Variants in GPT2 observed in about 807,000 individuals in gnomAD.
The protein encoded by GPT2 is glutamic--pyruvic transaminase 2.
Under a neutral mutation model 56.9 loss-of-function variants are expected in GPT2, and 30 were observed. The ratio of observed to expected loss-of-function variants is 0.53; its 90% confidence interval spans 0.39 to 0.72. The LOEUF is 0.72. GPT2 is among the 30% of genes least tolerant of loss of function. The probability of loss-of-function intolerance (pLI) is 0.00; values close to 1 mark genes in which losing one functional copy is unlikely to be tolerated. For missense variants in GPT2, 542 were observed against 703.4 expected (o/e 0.77, Z 2.60); for synonymous variants, 271 against 283.1 (o/e 0.96, Z 0.43).
intron 9 of GPT2, 39 bp downstream of exon 9, chr16:46,922,455 G>A: frequency 6.5e-7 from 1 of 1,547,358 alleles, no homozygotes; most frequent in Non-Finnish European, 8.7e-7. Flanking sequence ...CTGTGGCCGG[G>A]GTCACGAGAG....
rs761071681 is a variant in GPT2, at chr16:46,918,612, C to T, written c.901-9C>T. On this transcript the variant is annotated splice_polypyrimidine_tract_variant and intron_variant, in intron 7 of 11. Coordinates refer to ENST00000340124, the MANE Select transcript of GPT2 (RefSeq NM_133443.4). ...CCCTTTGGTGACCGTCCCTGCCGTG[C>T]CCCCGCAGGTGTACCAGGACAACGT... 60 of 1,613,498 alleles carry T rather than the reference C, an allele frequency of 3.7e-5. No homozygotes were observed. Among genetic ancestry groups the T allele is most frequent in the Non-Finnish European group, 4.7e-5 (56 of 1,179,682 alleles).
intron 4 of GPT2, 143 bp downstream of exon 4, chr16:46,900,933 T>C (rs2143418849): frequency 1.6e-6 from 1 of 623,268 alleles, no homozygotes; most frequent in East Asian, 2.9e-5. Flanking sequence ...AAACAAAAAA[T>C]AGCGTCCTCT....
chr16:46,910,017 G>T, intron 6 of GPT2, 90 bp downstream of exon 6: 1 of 1,450,704 alleles, frequency 6.9e-7, no homozygotes, highest in Non-Finnish European at 9.3e-7. Context: ...TAATTGGAGG[G>T]TCTCTCTGCC....
At chr16:46,913,350 A>T (rs750861798) in intron 6 of GPT2, among the ~76,000 whole-genome samples, 2 of 152,202 alleles carry the variant, frequency 1.3e-5, no homozygotes, top group Non-Finnish European at 2.9e-5. Context: ...AACAGGATAA[A>T]GTTTGTGGCA....
chr16:46,927,361 C>G (rs565064382), intron 11 of GPT2, among the ~76,000 whole-genome samples: 30 of 152,354 alleles, frequency 2.0e-4, no homozygotes, highest in African/African-American at 7.2e-4. Flanking sequence ...GTTTTCAACT[C>G]TGCGATGGCA....
intron 10 of GPT2, among the ~76,000 whole-genome samples, 199 bp from the exon 11 acceptor site, chr16:46,926,726 G>A (rs1961422151): frequency 6.6e-6 from 1 of 152,254 alleles, no homozygotes; most frequent in African/African-American, 2.4e-5. Flanking sequence ...TGGCTGTCCT[G>A]CAGTAGTTTT....
chr16:46,894,331 T>C (rs1305598628), intron 2 of GPT2, among the ~76,000 whole-genome samples: 1 of 152,210 alleles, frequency 6.6e-6, no homozygotes, highest in Non-Finnish European at 1.5e-5. Flanking sequence ...GTGACAGATT[T>C]ACTCCCTGTG....
At chr16:46,922,445 CTG>C in intron 9 of GPT2, 29 bp downstream of exon 9, 1 of 1,570,896 alleles carries the variant, frequency 6.4e-7, no homozygotes, top group Non-Finnish European at 8.6e-7. Flanking sequence ...GTCTGCACCC[CTG>C]TGGCCGGGGT....
intron 6 of GPT2, among the ~76,000 whole-genome samples, chr16:46,911,432 C>G (rs954695144): frequency 6.6e-6 from 1 of 152,176 alleles, no homozygotes; most frequent in African/African-American, 2.4e-5. Flanking sequence ...TTCCCGAGTG[C>G]AGAAAATGGG....
At chr16:46,902,751 G>A in intron 4 of GPT2, among the ~76,000 whole-genome samples, 1 of 152,016 alleles carries the variant, frequency 6.6e-6, no homozygotes, top group South Asian at 2.1e-4. Flanking sequence ...TCAGCCTCCT[G>A]AGTAGCTGGT....
chr16:46,927,513 C>T (rs1048451168), intron 11 of GPT2, among the ~76,000 whole-genome samples: 2 of 152,224 alleles, frequency 1.3e-5, no homozygotes, highest in Admixed American at 1.3e-4. Context: ...CCAGGGCATA[C>T]CCCGTTCTGG....
At chr16:46,916,781 T>A in intron 7 of GPT2, 74 bp downstream of exon 7, 1 of 1,019,488 alleles carries the variant, frequency 9.8e-7, no homozygotes, top group Non-Finnish European at 1.6e-6. Context: ...CCCCCATTGT[T>A]CTGCAGCCAG....
In GPT2 at chr16:46,929,361, G is replaced by C. The variant is rs1310153491; in HGVS notation, c.*364G>C. The C allele has an allele frequency of 5.6e-5, 14 of 249,794 alleles. No homozygotes were observed. In the East Asian group the frequency reaches 1.2e-3, roughly 21 times the overall value. 15.5% of individuals were successfully genotyped at this position (249,794 alleles called of 1,614,324 possible). ...AATGAGCAGGTGTCGGGAAATGTGTGACTTAACCGTGGTGAGGGCTGGAAA... is the reference window on the plus strand; with the variant it reads ...AATGAGCAGGTGTCGGGAAATGTGTCACTTAACCGTGGTGAGGGCTGGAAA... On this transcript the variant is annotated 3_prime_UTR_variant, in exon 12 of 12. Coordinates refer to ENST00000340124, the MANE Select transcript of GPT2 (RefSeq NM_133443.4).
chr16:46,910,868 T>C (rs1452897846), intron 6 of GPT2, among the ~76,000 whole-genome samples: 1 of 152,224 alleles, frequency 6.6e-6, no homozygotes, highest in East Asian at 1.9e-4. Flanking sequence ...ATTATAGGCA[T>C]GAGCCACTGC....
intron 5 of GPT2, among the ~76,000 whole-genome samples, chr16:46,907,464 G>C (rs184029038): frequency 2.6e-5 from 4 of 152,180 alleles, no homozygotes; most frequent in Non-Finnish European, 5.9e-5. Flanking sequence ...CTGGTGGAGC[G>C]GGGGCAGGAA....
chr16:46,899,015 ATAT>A (rs1301567549), intron 3 of GPT2, among the ~76,000 whole-genome samples: 1 of 2,824 alleles, frequency 3.5e-4, no homozygotes, highest in African/African-American at 6.8e-4. Context: ...ATATATATAT[ATAT>A]ATATATATAT....
intron 11 of GPT2, among the ~76,000 whole-genome samples, chr16:46,928,341 A>G (rs527250614): frequency 1.3e-5 from 2 of 151,716 alleles, no homozygotes; most frequent in East Asian, 1.9e-4. Context: ...AAAAAAAAAT[A>G]TGGCCAGGTG....
At chr16:46,918,172 G>T (rs377076019) in intron 7 of GPT2, among the ~76,000 whole-genome samples, 1 of 152,204 alleles carries the variant, frequency 6.6e-6, no homozygotes, top group African/African-American at 2.4e-5. Context: ...CCACTCGAGT[G>T]GGGGGTTAAG....
chr16:46,914,157 C>T (rs182248523), intron 6 of GPT2, among the ~76,000 whole-genome samples: 3 of 152,322 alleles, frequency 2.0e-5, no homozygotes, highest in East Asian at 3.9e-4. Flanking sequence ...CCATTTCTAC[C>T]TCGTTGCGTT....
Sources: gnomAD v4.1 joint callset for allele counts (sites outside exome capture counted in the v4.1 genomes callset) on GRCh38, gnomAD v4.1.1 for gene constraint, MANE v1.5 for transcripts, NCBI Gene and HGNC (gene_info 2026-07-23, HGNC 2026-07-21) for gene names.